The following ARID2 variants were observed in gnomAD, a reference collection of about 807,000 sequenced individuals.
ARID2 encodes the protein AT-rich interactive domain-containing protein 2.
A neutral mutation model predicts 184.6 loss-of-function variants in ARID2; 32 were observed. That is an observed-to-expected ratio of 0.17 (90% confidence interval 0.13 to 0.23). ARID2 has a LOEUF of 0.23. Ranked by LOEUF, ARID2 falls within the 10% of genes least tolerant of loss-of-function variation. The pLI is 1.00. For missense variants in ARID2, 1,696 were observed against 2,197.6 expected, an observed-to-expected ratio of 0.77 and a Z score of 4.56; for synonymous variants, 836 against 772.6, an observed-to-expected ratio of 1.08 and a Z score of -1.36.
chr12:45,733,950 T>C (rs773899026), intron 3 of ARID2, among the ~76,000 whole-genome samples: 1 of 152,182 alleles, frequency 6.6e-6, no homozygotes, highest in Non-Finnish European at 1.5e-5. Flanking sequence ...TTTACAAATA[T>C]AAGTGCCTGC....
At chr12:45,896,757 G>T (rs533602363) in intron 20 of ARID2, among the ~76,000 whole-genome samples, 2 of 152,190 alleles carry the variant, frequency 1.3e-5, no homozygotes, top group South Asian at 2.1e-4. Flanking sequence ...TCAACAGGAT[G>T]CTGGCCATTA....
At chr12:45,761,896 A>T (rs994266079) in intron 3 of ARID2, among the ~76,000 whole-genome samples, 1 of 152,012 alleles carries the variant, frequency 6.6e-6, no homozygotes, top group Non-Finnish European at 1.5e-5. Context: ...CGCTTTATTC[A>T]TCTTTTTGTC....
rs1486696147 is a variant in ARID2 at position 45,905,577 on chromosome 12, TC to T, written c.*500del. ...CCGATCTCAGAGGGGGCCACCAATA[TC>T]TAGCTATGGATCGTGTGTTTTGTTT... is the stretch of plus-strand genomic sequence containing the variant. On this transcript the variant is annotated 3_prime_UTR_variant, in exon 21 of 21. Transcript: ENST00000334344. 1.3e-5 allele frequency: 3 copies of T among 233,264 alleles called. No individual in the cohort carries two copies. Among genetic ancestry groups the T allele is most frequent in the African/African-American group, 6.6e-5 (3 of 45,326 alleles). The allele number at this position is 233,264 out of a possible 1,614,324, so 14.4% of individuals were successfully genotyped here. A position where few individuals can be genotyped will look rare whatever the true frequency, so the allele number is the denominator to read the frequency against.
chr12:45,739,777 A>G (rs1050420663), intron 3 of ARID2, among the ~76,000 whole-genome samples: 1 of 152,178 alleles, frequency 6.6e-6, no homozygotes, highest in Non-Finnish European at 1.5e-5. Context: ...AAATAAATAA[A>G]ATGTTAATAT....
At chr12:45,789,971 C>G (rs768533027) in intron 3 of ARID2, among the ~76,000 whole-genome samples, 9 of 152,130 alleles carry the variant, frequency 5.9e-5, no homozygotes, top group Admixed American at 2.0e-4. Flanking sequence ...CAAAACAAAA[C>G]AAAACGATTT....
At chr12:45,807,734 G>T (rs948712285) in intron 3 of ARID2, among the ~76,000 whole-genome samples, 1 of 152,080 alleles carries the variant, frequency 6.6e-6, no homozygotes, top group Admixed American at 6.5e-5. Context: ...TGTGTGAATT[G>T]ATACATGATC....
chr12:45,872,511 G>A (rs1156415210), intron 16 of ARID2, among the ~76,000 whole-genome samples: 1 of 152,102 alleles, frequency 6.6e-6, no homozygotes, highest in African/African-American at 2.4e-5. Context: ...TTGCATGGCT[G>A]GGAAGGCCTC....
At chr12:45,740,959 A>G (rs1462570691) in intron 3 of ARID2, among the ~76,000 whole-genome samples, 2 of 152,208 alleles carry the variant, frequency 1.3e-5, no homozygotes, top group Non-Finnish European at 2.9e-5. Context: ...TCTCCACTGT[A>G]AAGTTACCAT....
In ARID2 at chr12:45,731,238, G is replaced by A. The variant is rs2137962669; in HGVS notation, c.208G>A (p.Gly70Arg). ...CCAGGTTTCTGAGAAGAATCAGTGG[G>A]GAGAAATTGTTGAAGAGTTCAACTT... ...FAKVSEKNQW[G>R]EIVEEFNFPR... Residue 70 changes from glycine to arginine, a missense_variant, in exon 3 of 21, where the codon GGA (glycine) becomes AGA (arginine). Around this residue, in one of 11 missense-constraint regions of ARID2, gnomAD observed 148 missense variants for 285.4 expected, o/e 0.52. Coordinates refer to ENST00000334344, the MANE Select transcript of ARID2 (RefSeq NM_152641.4). 6.2e-7 allele frequency: 1 copy of A among 1,613,648 alleles called. No homozygotes were observed. Among genetic ancestry groups the A allele is most frequent in the Non-Finnish European group, 8.5e-7 (1 of 1,179,634 alleles).
intron 10 of ARID2, among the ~76,000 whole-genome samples, chr12:45,838,433 C>G (rs1159061590): frequency 6.6e-6 from 1 of 152,126 alleles, no homozygotes; most frequent in African/African-American, 2.4e-5. Context: ...ATTCTTAAAT[C>G]TGGCTACACA....
At chr12:45,865,403 AACAG>A (rs1332423415) in intron 16 of ARID2, among the ~76,000 whole-genome samples, 1 of 152,176 alleles carries the variant, frequency 6.6e-6, no homozygotes, top group Non-Finnish European at 1.5e-5. Context: ...TTTTAAAGTA[AACAG>A]ACAAATGATT....
At chr12:45,818,070 A>C (rs1308867986) in intron 5 of ARID2, among the ~76,000 whole-genome samples, 182 bp downstream of exon 5, 1 of 152,078 alleles carries the variant, frequency 6.6e-6, no homozygotes, top group African/African-American at 2.4e-5. Context: ...TTTGAATAGT[A>C]ATTTTGTCTC....
intron 3 of ARID2, among the ~76,000 whole-genome samples, chr12:45,776,753 C>T (rs1336903972): frequency 1.3e-5 from 2 of 150,412 alleles, no homozygotes. Context: ...AGTTCGAGAC[C>T]AGCCTGGGCA....
intron 16 of ARID2, among the ~76,000 whole-genome samples, chr12:45,874,926 T>G (rs1265079519): frequency 6.6e-6 from 1 of 152,212 alleles, no homozygotes; most frequent in Non-Finnish European, 1.5e-5. Flanking sequence ...GAGTTCAAGA[T>G]GAGGCTGGCA....
chr12:45,783,148 A>G (rs1219309997), intron 3 of ARID2, among the ~76,000 whole-genome samples: 2 of 152,046 alleles, frequency 1.3e-5, no homozygotes, highest in African/African-American at 4.8e-5. Context: ...AAAAAAAGTG[A>G]AAAATGATTC....
intron 6 of ARID2, among the ~76,000 whole-genome samples, chr12:45,832,016 C>A (rs1943131626): frequency 1.3e-5 from 2 of 152,032 alleles, no homozygotes; most frequent in South Asian, 4.1e-4. Flanking sequence ...CACTTATTTT[C>A]CTCCTCCCCA....
At chr12:45,889,736 G>A (rs1243159555) in intron 16 of ARID2, among the ~76,000 whole-genome samples, 2 of 152,226 alleles carry the variant, frequency 1.3e-5, no homozygotes, top group Admixed American at 6.5e-5. Context: ...TCAGGAGTTC[G>A]AGACCAGTCT....
intron 20 of ARID2, among the ~76,000 whole-genome samples, chr12:45,903,770 C>T (rs1944486833): frequency 6.6e-6 from 1 of 151,990 alleles, no homozygotes; most frequent in African/African-American, 2.4e-5. Flanking sequence ...TTCATCTTCT[C>T]TTTTTTTCTC....
chr12:45,803,698 C>T (rs1942549400), intron 3 of ARID2, among the ~76,000 whole-genome samples: 1 of 152,108 alleles, frequency 6.6e-6, no homozygotes, highest in Non-Finnish European at 1.5e-5. Context: ...GTATGGTTGA[C>T]AATAGGTTCA....
Sources: allele counts gnomAD v4.1 joint callset (sites outside exome capture counted in the v4.1 genomes callset), GRCh38; gene constraint gnomAD v4.1.1; regional missense constraint gnomAD v4.1.1; transcripts MANE v1.5; gene names NCBI Gene and HGNC (gene_info 2026-07-23, HGNC 2026-07-21).